The following BDP1 variants were observed in gnomAD, a reference collection of about 807,000 sequenced individuals.
BDP1 encodes the protein BDP1 general transcription factor IIIB subunit, also known as transcription factor TFIIIB component B'' homolog.
A neutral mutation model predicts 266.6 loss-of-function variants in BDP1; 169 were observed. That is an observed-to-expected ratio of 0.63 (90% CI 0.56 to 0.72). The LOEUF (loss-of-function observed/expected upper bound fraction) is 0.72. BDP1 is among the 30% of genes least tolerant of loss of function. The pLI is 0.00. For synonymous variants in BDP1, 1,090 were observed against 1,022.4 expected, an observed-to-expected ratio of 1.07 and a Z score of -1.26; for missense variants, 3,015 against 3,053.8, an observed-to-expected ratio of 0.99 and a Z score of 0.30.
At chr5:71,523,386 T>C (rs1765607485) in intron 24 of BDP1, among the ~76,000 whole-genome samples, 1 of 152,202 alleles carries the variant, frequency 6.6e-6, no homozygotes, top group African/African-American at 2.4e-5. Flanking sequence ...GTGACTCGGC[T>C]CACTGCAACC....
intron 25 of BDP1, among the ~76,000 whole-genome samples, chr5:71,524,840 A>C (rs1190931070): frequency 1.3e-5 from 2 of 149,336 alleles, no homozygotes; most frequent in African/African-American, 5.0e-5. Flanking sequence ...ATGACTCTTA[A>C]CGAGCATGCT....
rs760629100 is a variant in BDP1, at chr5:71,517,359, C to T, written c.4898C>T (p.Ser1633Leu). The T allele has an allele frequency of 1.5e-5, 24 of 1,599,710 alleles. No homozygotes were observed. Among genetic ancestry groups the T allele is most frequent in the Admixed American group, 1.1e-4 (6 of 55,952 alleles). The change falls in exon 22 of 39, where the codon TCG (serine) becomes TTG (leucine). Residue 1633 changes from serine (S) to leucine (L), a missense_variant. Transcript: ENST00000358731. The stretch of plus-strand genomic sequence containing the variant: ...ATTGAAACTGAAATTGAAGTTCCAT[C>T]GTCCGCAGTTCCAGAACACAGAATG... ...SQIETEIEVP[S>L]SAVPEHRMYE... is the part of the protein sequence containing the mutation.
intron 25 of BDP1, among the ~76,000 whole-genome samples, chr5:71,526,685 G>T (rs1275021080): frequency 2.4e-4 from 28 of 118,934 alleles, no homozygotes; most frequent in Non-Finnish European, 4.0e-4. Flanking sequence ...CTCTCTCTCT[G>T]TTTTTTTTTT....
In BDP1 at chr5:71,463,863, AC is replaced by A. The variant is rs373011639; in HGVS notation, c.600-193del. ...AAAAAAAAAGTATTCTTTACTTAGGACCTAACAAATTATTTGTATGTGATGA... is the reference window on the plus strand; with the variant it reads ...AAAAAAAAAGTATTCTTTACTTAGGACTAACAAATTATTTGTATGTGATGA... On this transcript the variant is annotated intron_variant, in intron 3 of 38. Coordinates refer to ENST00000358731, the MANE Select transcript of BDP1 (RefSeq NM_018429.3). 3.4e-3 allele frequency among the ~76,000 whole-genome samples: 521 copies of A among 151,748 alleles called. 3 individuals carry two copies. Among genetic ancestry groups the A allele is most frequent in the African/African-American group, 0.012 (491 of 41,408 alleles).
intron 25 of BDP1, among the ~76,000 whole-genome samples, 153 bp from the exon 26 acceptor site, chr5:71,532,155 A>G (rs977475868): frequency 1.3e-5 from 2 of 152,228 alleles, no homozygotes; most frequent in Non-Finnish European, 2.9e-5. Context: ...TCAGTCAATA[A>G]AAGAATTACT....
chr5:71,525,286 C>T (rs1238753257), intron 25 of BDP1, among the ~76,000 whole-genome samples: 6 of 144,060 alleles, frequency 4.2e-5, no homozygotes, highest in East Asian at 2.1e-4. Flanking sequence ...ACCTCCCTCC[C>T]GGACGGGGCG....
chr5:71,539,786 T>C (rs1002638953), intron 28 of BDP1, 137 bp downstream of exon 28: 1 of 580,178 alleles, frequency 1.7e-6, no homozygotes, highest in Non-Finnish European at 3.0e-6. Flanking sequence ...AAATATGATA[T>C]GTATGTATTG....
intron 26 of BDP1, among the ~76,000 whole-genome samples, chr5:71,536,061 G>A (rs1414420651): frequency 3.9e-5 from 6 of 152,040 alleles, no homozygotes; most frequent in African/African-American, 1.4e-4. Flanking sequence ...AACTGCCCTG[G>A]CTAGAACCTA....
rs150538395 is a variant in BDP1 at position 71,487,787 on chromosome 5, A to G, written c.1213+1160A>G. On this transcript the variant is annotated intron_variant, in intron 9 of 38. Transcript: ENST00000358731. ...TCAAAAGAAAAGCAGTTCAGCATAA[A>G]CCACATTGTACAGCTAAGGCACAGT... Among the ~76,000 whole-genome samples, 830 of 152,254 alleles carry G rather than the reference A, an allele frequency of 5.5e-3. 7 individuals carry two copies. Among genetic ancestry groups the G allele is most frequent in the African/African-American group, 0.019 (796 of 41,558 alleles).
chr5:71,555,646 T>C (rs1360754590), intron 35 of BDP1, among the ~76,000 whole-genome samples: 1 of 151,872 alleles, frequency 6.6e-6, no homozygotes, highest in African/African-American at 2.4e-5. Flanking sequence ...TCCATGTTGG[T>C]TAGGCTGGTC....
chr5:71,519,950 A>G (rs960269051), intron 22 of BDP1, among the ~76,000 whole-genome samples: 3 of 152,052 alleles, frequency 2.0e-5, no homozygotes, highest in South Asian at 4.1e-4. Context: ...GAGTTTTCCC[A>G]TTTCTCCACA....
Position 71,506,823 on chromosome 5 carries a change from A to ACACACACACACACACC in BDP1, c.2372+2073_2372+2074insACACACACACACACCC, listed in dbSNP as rs377599570. ...CACACACACACACACACACACACAC[A>ACACACACACACACACC]CCCATATTTTTTTAAAGACAAGGGT... On this transcript the variant is annotated intron_variant, in intron 16 of 38. Coordinates refer to ENST00000358731, the MANE Select transcript of BDP1 (RefSeq NM_018429.3). 6.3e-5 allele frequency among the ~76,000 whole-genome samples: 9 copies of ACACACACACACACACC among 141,804 alleles called. No individual in the cohort carries two copies. The South Asian group carries it at 9.2e-4, about 14-fold the overall frequency. The allele number at this position is 141,804 out of a possible 152,430, so 93.0% of individuals were successfully genotyped here.
At chr5:71,513,091 A>G in intron 18 of BDP1, 94 bp from the exon 19 acceptor site, 1 of 733,956 alleles carries the variant, frequency 1.4e-6, no homozygotes, top group Non-Finnish European at 2.2e-6. Flanking sequence ...AAAAAAAATT[A>G]AATGTTTACC....
chr5:71,463,441 A>T (rs1761696971), intron 3 of BDP1, among the ~76,000 whole-genome samples: 1 of 152,166 alleles, frequency 6.6e-6, no homozygotes, highest in Admixed American at 6.5e-5. Flanking sequence ...GAGTTGTTTA[A>T]CATCCAGGAG....
chr5:71,570,642 A>G (rs1580246990), downstream of BDP1, among the ~76,000 whole-genome samples: 2 of 152,388 alleles, frequency 1.3e-5, no homozygotes, highest in East Asian at 3.9e-4. Context: ...GGCTTATTAC[A>G]GTAATTGTGC....
At chr5:71,478,174 C>CG (rs1762711720) in intron 7 of BDP1, among the ~76,000 whole-genome samples, 1 of 151,972 alleles carries the variant, frequency 6.6e-6, no homozygotes, top group South Asian at 2.1e-4. Context: ...CGCTTGAACC[C>CG]GGGAGGTGGA....
At chr5:71,532,779 G>A (rs1580161518) in intron 26 of BDP1, among the ~76,000 whole-genome samples, 1 of 152,162 alleles carries the variant, frequency 6.6e-6, no homozygotes. Context: ...TTTAAAAACA[G>A]CTTTATTGAC....
Position 71,501,668 on chromosome 5 carries a change from AGT to A in BDP1, c.2048+16_2048+17del. ...ACTGTATCTGTGTGAGTATTCAGGA[AGT>A]AGTAAAAAAAAAAAAAAAAAAAAGT... On this transcript the variant is annotated intron_variant, in intron 14 of 38. Coordinates refer to ENST00000358731, the MANE Select transcript of BDP1 (RefSeq NM_018429.3). 1.1e-6 allele frequency: 1 copy of A among 941,634 alleles called. No homozygotes were observed. Among genetic ancestry groups the A allele is most frequent in the East Asian group, 2.6e-5 (1 of 39,068 alleles). 58.3% of individuals were successfully genotyped at this position (941,634 alleles called of 1,614,324 possible).
Position 71,497,434 on chromosome 5 carries a change from G to C in BDP1, c.1956+8G>C. On this transcript the variant is annotated splice_region_variant and intron_variant, in intron 13 of 38. Transcript: ENST00000358731. The stretch of plus-strand genomic sequence containing the variant: ...AAAACTTCAGTTGAAAAGGTATGGG[G>C]TAAGAGATTTCATGGAAATTAAAAT... 1 of 1,575,644 alleles carries C rather than the reference G, an allele frequency of 6.3e-7. No individual in the cohort carries two copies. The highest frequency in any genetic ancestry group is 1.2e-5 in the South Asian group (1 of 84,380).
Sources: allele counts gnomAD v4.1 joint callset (sites outside exome capture counted in the v4.1 genomes callset), GRCh38; gene constraint gnomAD v4.1.1; transcripts MANE v1.5; gene names NCBI Gene and HGNC (gene_info 2026-07-23, HGNC 2026-07-21).